The following CDKAL1 variants were observed in gnomAD, a reference collection of about 807,000 sequenced individuals.
The protein encoded by CDKAL1 is threonylcarbamoyladenosine tRNA methylthiotransferase.
CDKAL1 carries 32 observed loss-of-function variants against 68.2 expected under a neutral mutation model. That is an observed-to-expected ratio of 0.47 (90% CI 0.35 to 0.63). The LOEUF is 0.63. Among genes scored for constraint, CDKAL1 ranks in the 30% least tolerant of loss-of-function variants. The pLI is 0.00. For synonymous variants in CDKAL1, 234 were observed against 244.3 expected (o/e 0.96, Z 0.39); for missense variants, 606 against 696.7 (o/e 0.87, Z 1.47).
At chr6:20,623,349 AATGATTC>A (rs1396172938) in intron 4 of CDKAL1, among the ~76,000 whole-genome samples, 1 of 152,080 alleles carries the variant, frequency 6.6e-6, no homozygotes, top group African/African-American at 2.4e-5. Flanking sequence ...AAGTTTATGC[AATGATTC>A]ATTTTGGATA....
chr6:20,878,064 G>A (rs1760617610), intron 9 of CDKAL1, among the ~76,000 whole-genome samples: 1 of 152,146 alleles, frequency 6.6e-6, no homozygotes, highest in Admixed American at 6.5e-5. Context: ...TCTCCTACCA[G>A]GAGGAATTTC....
intron 15 of CDKAL1, 91 bp from the exon 16 acceptor site, chr6:21,230,757 G>A: frequency 2.9e-6 from 3 of 1,018,118 alleles, no homozygotes; most frequent in South Asian, 2.2e-5. Flanking sequence ...ATAAAAGGCG[G>A]CACCTTCTGG....
At chr6:20,543,967 A>G (rs963282380) in intron 2 of CDKAL1, among the ~76,000 whole-genome samples, 6 of 151,782 alleles carry the variant, frequency 4.0e-5, no homozygotes, top group Non-Finnish European at 4.4e-5. Context: ...TGAACTCCTG[A>G]CCTCAAGTGA....
intron 13 of CDKAL1, among the ~76,000 whole-genome samples, chr6:21,194,106 C>G (rs1778371420): frequency 6.6e-6 from 1 of 152,208 alleles, no homozygotes; most frequent in Non-Finnish European, 1.5e-5. Context: ...CCCTCAAGAA[C>G]TAACTCAGTC....
intron 10 of CDKAL1, among the ~76,000 whole-genome samples, chr6:20,993,918 C>T (rs775267325): frequency 3.3e-5 from 5 of 152,160 alleles, no homozygotes; most frequent in Non-Finnish European, 5.9e-5. Context: ...AGCCTTAATA[C>T]ATCAGCCCTT....
intron 5 of CDKAL1, among the ~76,000 whole-genome samples, chr6:20,704,223 A>G (rs1473135212): frequency 6.6e-6 from 1 of 152,206 alleles, no homozygotes; most frequent in Non-Finnish European, 1.5e-5. Context: ...GATCGATAAT[A>G]GCAATGAAGG....
At chr6:20,682,162 C>G (rs960849166) in intron 5 of CDKAL1, among the ~76,000 whole-genome samples, 10 of 152,182 alleles carry the variant, frequency 6.6e-5, no homozygotes, top group Non-Finnish European at 1.3e-4. Flanking sequence ...GGGGGGGACA[C>G]AAGCATTCAG....
chr6:20,562,849 TC>T (rs1764321839), intron 4 of CDKAL1, among the ~76,000 whole-genome samples: 1 of 152,200 alleles, frequency 6.6e-6, no homozygotes, highest in Non-Finnish European at 1.5e-5. Flanking sequence ...CGGTGCTTTT[TC>T]TTGAATATAC....
intron 13 of CDKAL1, among the ~76,000 whole-genome samples, chr6:21,194,969 TCTCA>T: frequency 6.6e-6 from 1 of 152,302 alleles, no homozygotes. Flanking sequence ...TGAGATAGGT[TCTCA>T]CTCTGTTGCC....
chr6:20,926,822 T>C (rs903872162), intron 9 of CDKAL1, among the ~76,000 whole-genome samples: 33 of 151,654 alleles, frequency 2.2e-4, no homozygotes, highest in Non-Finnish European at 3.7e-4. Flanking sequence ...GTGAGACTTC[T>C]TGAGAAATGG....
At chr6:20,784,771 A>G (rs1469358090) in intron 8 of CDKAL1, among the ~76,000 whole-genome samples, 5 of 152,132 alleles carry the variant, frequency 3.3e-5, no homozygotes, top group African/African-American at 1.2e-4. Flanking sequence ...TATGGCACAC[A>G]CATGGATACA....
chr6:21,040,786 G>GAAAT (rs1769878463), intron 11 of CDKAL1, among the ~76,000 whole-genome samples: 1 of 152,090 alleles, frequency 6.6e-6, no homozygotes, highest in Non-Finnish European at 1.5e-5. Flanking sequence ...TTAGTGTACA[G>GAAAT]AAATTAATTG....
chr6:20,674,173 A>G (rs1446858972), intron 5 of CDKAL1, among the ~76,000 whole-genome samples: 4 of 151,952 alleles, frequency 2.6e-5, no homozygotes, highest in African/African-American at 9.7e-5. Flanking sequence ...CTCTCATTTC[A>G]TTTGGAAACA....
At chr6:20,586,975 G>A (rs1295219724) in intron 4 of CDKAL1, among the ~76,000 whole-genome samples, 2 of 121,374 alleles carry the variant, frequency 1.6e-5, no homozygotes, top group East Asian at 2.3e-4. Flanking sequence ...TCTTCCTCCA[G>A]GTGTTTTTTT....
At position 20,907,671 on chromosome 6, in the gene CDKAL1, C is replaced by T. The variant is rs574039439; in HGVS notation, c.743-47748C>T. ...GTTTATTACAGGAATGAGAGCTCCCCCGTGTGTGAGGAGCTGAGTGGCGGC... is the reference window on the plus strand; with the variant it reads ...GTTTATTACAGGAATGAGAGCTCCCTCGTGTGTGAGGAGCTGAGTGGCGGC... On this transcript the variant is annotated intron_variant, in intron 9 of 15. Transcript: ENST00000274695. Among the ~76,000 whole-genome samples, 7 of 152,164 alleles carry T rather than the reference C, an allele frequency of 4.6e-5. No homozygotes were observed. The East Asian group carries it at 5.8e-4, about 13-fold the overall frequency.
chr6:20,811,931 C>G lies in CDKAL1; in HGVS notation c.638+30666C>G, dbSNP rs188186187. On this transcript the variant is annotated intron_variant, in intron 8 of 15. Coordinates refer to ENST00000274695, the MANE Select transcript of CDKAL1 (RefSeq NM_017774.3). Reference sequence around the variant, plus strand: ...TTTTGTTTCTTTTTACATCCCTTTACAAATATAAAAGCCATCCTTAGATCC... The same window carrying G: ...TTTTGTTTCTTTTTACATCCCTTTAGAAATATAAAAGCCATCCTTAGATCC... Among the ~76,000 whole-genome samples, 211 of 152,162 alleles carry G rather than the reference C, an allele frequency of 1.4e-3. 1 individual carries two copies. Among genetic ancestry groups the G allele is most frequent in the Non-Finnish European group, 2.5e-3 (171 of 67,998 alleles).
intron 5 of CDKAL1, among the ~76,000 whole-genome samples, chr6:20,717,910 C>A (rs1772172447): frequency 6.6e-6 from 1 of 152,114 alleles, no homozygotes; most frequent in East Asian, 1.9e-4. Flanking sequence ...AGGATGGTTT[C>A]ATTTAGTTCA....
chr6:20,669,740 G>A (rs73732724), intron 5 of CDKAL1, among the ~76,000 whole-genome samples: 11,804 of 151,906 alleles, frequency 0.078, 1,463 homozygotes, highest in African/African-American at 0.26. Context: ...CAGGCTTATC[G>A]TGTACTTTCC....
intron 9 of CDKAL1, among the ~76,000 whole-genome samples, chr6:20,946,713 C>G (rs757374492): frequency 2.6e-5 from 4 of 151,058 alleles, no homozygotes; most frequent in Non-Finnish European, 4.4e-5. Flanking sequence ...TTCTCCTGCT[C>G]AGCCTCCCGA....
Sources: gnomAD v4.1 joint callset for allele counts (sites outside exome capture counted in the v4.1 genomes callset) on GRCh38, gnomAD v4.1.1 for gene constraint, MANE v1.5 for transcripts, NCBI Gene and HGNC (gene_info 2026-07-23, HGNC 2026-07-21) for gene names.